The following IL1RAPL2 variants were observed in gnomAD, a reference collection of about 807,000 sequenced individuals.
IL1RAPL2 encodes interleukin 1 receptor accessory protein like 2.
In IL1RAPL2, 3 loss-of-function variants were observed where a neutral mutation model predicts 44.1. The observed-to-expected ratio is 0.07, with a 90% CI of 0.03 to 0.18. The LOEUF is 0.18. Among genes scored for constraint, IL1RAPL2 ranks in the 10% least tolerant of loss-of-function variants. The pLI is 1.00. For missense variants in IL1RAPL2, 391 were observed against 496.4 expected (o/e 0.79, Z 2.02); for synonymous variants, 181 against 178.8 (o/e 1.01, Z -0.10).
At position 105,006,609 on chromosome X, in the gene IL1RAPL2, AAATGGTAAGTCTCAGGC is replaced by A. The variant is rs758040988; in HGVS notation, c.83-188862_83-188846del. ...AGTTCTGAGCTCTACTGAAGAAATC[AAATGGTAAGTCTCAGGC>A]AATTACTGTATGCATTTGAGAGTAA... On this transcript the variant is annotated intron_variant, in intron 2 of 10. Transcript: ENST00000372582. Among the ~76,000 whole-genome samples the A allele has an allele frequency of 3.7e-3, 410 of 111,330 alleles. 4 individuals are homozygous for A. The highest frequency in any genetic ancestry group is 0.013 in the African/African-American group (394 of 30,762).
chrX:105,091,558 C>G (rs1433684230), intron 2 of IL1RAPL2, among the ~76,000 whole-genome samples: 1 of 111,432 alleles, frequency 9.0e-6, no homozygotes, highest in Non-Finnish European at 1.9e-5. Context: ...GTCACCCTAC[C>G]AGATGTACAT....
At chrX:104,848,583 C>T (rs189667371) in intron 2 of IL1RAPL2, among the ~76,000 whole-genome samples, 152 of 106,634 alleles carry the variant, frequency 1.4e-3, no homozygotes, top group Middle Eastern at 8.1e-3. Flanking sequence ...TTTCAATGCA[C>T]TTTCAATAAT....
chrX:104,669,451 C>T (rs1479356277), intron 2 of IL1RAPL2, among the ~76,000 whole-genome samples: 1 of 111,209 alleles, frequency 9.0e-6, no homozygotes, highest in Non-Finnish European at 1.9e-5. Context: ...GCATTTTCTC[C>T]TTGTTACTCT....
intron 6 of IL1RAPL2, among the ~76,000 whole-genome samples, chrX:105,586,001 G>A (rs913671773): frequency 1.1e-4 from 12 of 111,498 alleles, no homozygotes; most frequent in Non-Finnish European, 1.9e-4. Flanking sequence ...TTAATAAATG[G>A]GATCTAATTA....
intron 3 of IL1RAPL2, among the ~76,000 whole-genome samples, chrX:105,225,664 C>CTTTTATTTTATTTTA (rs781855827): frequency 7.0e-5 from 7 of 100,300 alleles, no homozygotes; most frequent in Non-Finnish European, 1.0e-4. Flanking sequence ...AGAAAACATA[C>CTTTTATTTTATTTTA]TTTTATTTTA....
chrX:105,468,976 TC>T, intron 5 of IL1RAPL2, among the ~76,000 whole-genome samples: 1 of 111,627 alleles, frequency 9.0e-6, no homozygotes, highest in East Asian at 2.8e-4. Flanking sequence ...TTCATTCAGG[TC>T]CAAAACTCCA....
intron 2 of IL1RAPL2, among the ~76,000 whole-genome samples, chrX:105,193,638 G>C (rs1052724680): frequency 7.2e-5 from 8 of 111,577 alleles, no homozygotes; most frequent in Admixed American, 4.8e-4. Context: ...GTTTTGCAGT[G>C]ACAAATGACA....
chrX:104,922,043 C>T (rs375174025), intron 2 of IL1RAPL2, among the ~76,000 whole-genome samples: 14 of 112,236 alleles, frequency 1.2e-4, no homozygotes, highest in Admixed American at 2.8e-4. Flanking sequence ...TAGACCCCTG[C>T]GAAGGTAAGT....
At position 104,779,901 on chromosome X, in the gene IL1RAPL2, T is replaced by A. The variant is rs185408846; in HGVS notation, c.82+120906T>A. On this transcript the variant is annotated intron_variant, in intron 2 of 10. Coordinates refer to ENST00000372582, the MANE Select transcript of IL1RAPL2 (RefSeq NM_017416.2). ...GGAAGTATAGTACCAGAAAAAAAAA[T>A]AACTAAAGTTGGTTCAGAGAGAGAA... Among the ~76,000 whole-genome samples, 708 of 110,710 alleles carry A rather than the reference T, an allele frequency of 6.4e-3. 3 individuals carry two copies. The highest frequency in any genetic ancestry group is 0.022 in the African/African-American group (677 of 30,474).
chrX:105,086,499 T>C (rs2032481119), intron 2 of IL1RAPL2, among the ~76,000 whole-genome samples: 1 of 110,951 alleles, frequency 9.0e-6, no homozygotes, highest in Non-Finnish European at 1.9e-5. Context: ...GAGATGTTGG[T>C]CAAAGGGTAT....
At chrX:105,356,230 A>T (rs2035202089) in intron 5 of IL1RAPL2, among the ~76,000 whole-genome samples, 1 of 110,210 alleles carries the variant, frequency 9.1e-6, no homozygotes, top group Non-Finnish European at 1.9e-5. Flanking sequence ...CCATGAAGTT[A>T]TGGGTAGGGT....
intron 5 of IL1RAPL2, among the ~76,000 whole-genome samples, chrX:105,448,841 C>T (rs1039313344): frequency 2.7e-5 from 3 of 110,973 alleles, no homozygotes; most frequent in Non-Finnish European, 5.7e-5. Context: ...GATTCTGATG[C>T]ATTCTTCAGC....
intron 4 of IL1RAPL2, among the ~76,000 whole-genome samples, chrX:105,256,607 G>A (rs1289316500): frequency 9.0e-6 from 1 of 111,222 alleles, no homozygotes; most frequent in East Asian, 2.8e-4. Context: ...AGGATTACAG[G>A]CGTGAGCGAC....
intron 2 of IL1RAPL2, among the ~76,000 whole-genome samples, chrX:104,970,534 C>T (rs902042079): frequency 1.7e-4 from 19 of 111,759 alleles, no homozygotes; most frequent in Admixed American, 4.7e-4. Context: ...TAAGATTATA[C>T]AGATGCTTCT....
intron 2 of IL1RAPL2, among the ~76,000 whole-genome samples, chrX:105,080,411 G>C (rs989134575): frequency 2.7e-5 from 3 of 112,036 alleles, no homozygotes; most frequent in African/African-American, 9.8e-5. Flanking sequence ...GGTAAGAAAA[G>C]AGTCCAATGT....
chrX:105,038,932 A>C (rs2031673622), intron 2 of IL1RAPL2, among the ~76,000 whole-genome samples: 1 of 111,718 alleles, frequency 9.0e-6, no homozygotes, highest in African/African-American at 3.3e-5. Context: ...ACTTAACTAA[A>C]GTAGTATATT....
chrX:105,315,034 G>A (rs2034826289), intron 5 of IL1RAPL2, among the ~76,000 whole-genome samples: 1 of 112,101 alleles, frequency 8.9e-6, no homozygotes, highest in African/African-American at 3.2e-5. Flanking sequence ...GATATATTGA[G>A]AGGCTCTTAA....
chrX:105,766,948 T>C lies in IL1RAPL2; in HGVS notation c.1364-16T>C. On this transcript the variant is annotated splice_polypyrimidine_tract_variant and intron_variant, in intron 10 of 10. Coordinates refer to ENST00000372582, the MANE Select transcript of IL1RAPL2 (RefSeq NM_017416.2). ...ATGTCTTTGTTTTACTCTTTCTCTC[T>C]TTCTGTGATTTGTAGCATACATGGA... The C allele has an allele frequency of 8.7e-7, 1 of 1,146,269 alleles. No individual in the cohort carries two copies. Among genetic ancestry groups the C allele is most frequent in the Non-Finnish European group, 1.2e-6 (1 of 841,570 alleles). 94.5% of individuals were successfully genotyped at this position (1,146,269 alleles called of 1,213,427 possible). A position where few individuals can be genotyped will look rare whatever the true frequency, so the allele number is the denominator to read the frequency against.
chrX:105,741,624 G>A (rs1460415065), intron 8 of IL1RAPL2, among the ~76,000 whole-genome samples: 2 of 111,352 alleles, frequency 1.8e-5, no homozygotes, highest in Non-Finnish European at 3.8e-5. Context: ...AAGCAGAGAG[G>A]AATCATTATT....
Sources: gnomAD v4.1 joint callset for allele counts (sites outside exome capture counted in the v4.1 genomes callset) on GRCh38, gnomAD v4.1.1 for gene constraint, MANE v1.5 for transcripts, NCBI Gene and HGNC (gene_info 2026-07-23, HGNC 2026-07-21) for gene names.